Variants in UQCC1 observed in about 807,000 individuals in gnomAD.
UQCC1 encodes bFGF-repressed Zic-binding protein.
UQCC1 carries 38 observed loss-of-function variants against 48.0 expected under a neutral mutation model. That is an observed-to-expected ratio of 0.79 (90% confidence interval 0.61 to 1.04). The LOEUF (loss-of-function observed/expected upper bound fraction) is 1.04, where lower values mean the gene tolerates loss of function less well. Ranked by LOEUF, UQCC1 falls within the 50% of genes least tolerant of loss-of-function variation. UQCC1 has a pLI of 0.00. For synonymous variants in UQCC1, 111 were observed against 129.2 expected, an observed-to-expected ratio of 0.86 and a Z score of 0.95; for missense variants, 368 against 381.8, an observed-to-expected ratio of 0.96 and a Z score of 0.30.
At chr20:35,350,405 T>C (rs1779090038) in intron 6 of UQCC1, among the ~76,000 whole-genome samples, 1 of 152,096 alleles carries the variant, frequency 6.6e-6, no homozygotes, top group Non-Finnish European at 1.5e-5. Context: ...TGACAGAAGG[T>C]TGACAACATG....
intron 1 of UQCC1, among the ~76,000 whole-genome samples, chr20:35,410,716 A>AAAAAAAAAAAAAAAC (rs1370852913): frequency 5.5e-5 from 6 of 108,730 alleles, no homozygotes; most frequent in South Asian, 4.3e-4. Flanking sequence ...AAAAAAAAAA[A>AAAAAAAAAAAAAAAC]AAAAAAAACA....
chr20:35,304,071 T>C lies in UQCC1; in HGVS notation c.766-2A>G. On this transcript the variant is annotated splice_acceptor_variant, in intron 9 of 9. Transcript: ENST00000374385. LOFTEE classifies it high-confidence loss of function. Reference sequence around the variant, plus strand: ...GTTCATGGAGTCCAGGTACTGTATCTGCAACCAGGGGAGGGGGAAGGAGGA... The same window carrying C: ...GTTCATGGAGTCCAGGTACTGTATCCGCAACCAGGGGAGGGGGAAGGAGGA... The C allele has an allele frequency of 6.2e-7, 1 of 1,613,940 alleles. No individual in the cohort carries two copies. Among genetic ancestry groups the C allele is most frequent in the Non-Finnish European group, 8.5e-7 (1 of 1,179,892 alleles).
At chr20:35,410,437 C>CTACTTGGG (rs964640824) in intron 1 of UQCC1, among the ~76,000 whole-genome samples, 1 of 150,826 alleles carries the variant, frequency 6.6e-6, no homozygotes, top group African/African-American at 2.4e-5. Context: ...GAGGCTGAAG[C>CTACTTGGG]AGGAGAACTG....
chr20:35,371,799 C>A (rs563958896), intron 5 of UQCC1, among the ~76,000 whole-genome samples: 6 of 150,592 alleles, frequency 4.0e-5, no homozygotes, highest in African/African-American at 1.5e-4. Flanking sequence ...GGCCTAAGAC[C>A]AGGAGTTCAA....
chr20:35,368,046 G>A lies in UQCC1; in HGVS notation c.407-1432C>T, dbSNP rs117696681. 8.2e-3 allele frequency among the ~76,000 whole-genome samples: 1,245 copies of A among 152,284 alleles called. 9 individuals are homozygous for A. Among genetic ancestry groups the A allele is most frequent in the Non-Finnish European group, 0.012 (840 of 68,014 alleles). On this transcript the variant is annotated intron_variant, in intron 5 of 9. Transcript: ENST00000374385. ...TATTACATAACAGGGAGAAAAGCCAGAGCAAGAGGAAGATGCAAAAAGAGA... is the reference window on the plus strand; with the variant it reads ...TATTACATAACAGGGAGAAAAGCCAAAGCAAGAGGAAGATGCAAAAAGAGA...
At chr20:35,385,508 T>G (rs189264851) in intron 2 of UQCC1, among the ~76,000 whole-genome samples, 7 of 152,230 alleles carry the variant, frequency 4.6e-5, no homozygotes, top group East Asian at 3.9e-4. Context: ...TGTTGTTTTG[T>G]TTTTGTTTTT....
chr20:35,394,006 A>C (rs2062043881), intron 2 of UQCC1, 86 bp downstream of exon 2: 1 of 1,323,338 alleles, frequency 7.6e-7, no homozygotes, highest in South Asian at 1.2e-5. Context: ...TCCATCACAC[A>C]ATTTGGTTGG....
rs757351501 is a variant in UQCC1, at chr20:35,306,762, A to G, written c.669T>C (p.Asp223=). The G allele has an allele frequency of 1.2e-6, 2 of 1,614,034 alleles. No homozygotes were observed. Among genetic ancestry groups the G allele is most frequent in the South Asian group, 2.2e-5 (2 of 91,084 alleles). ...LGYDEGILSD[D]HGLAAALWRT... ...TCCAGAGGGCAGCGGCCAGCCCATG[A>G]TCATCTGAAAGGATCCCCTGGAACA... The change falls in exon 9 of 10, where the codon GAT becomes GAC. Residue 223 remains aspartate (D), a synonymous_variant. Coordinates refer to ENST00000374385, the MANE Select transcript of UQCC1 (RefSeq NM_018244.5).
intron 1 of UQCC1, among the ~76,000 whole-genome samples, chr20:35,407,256 CCTCT>C (rs939967404): frequency 6.6e-5 from 10 of 151,906 alleles, no homozygotes; most frequent in Non-Finnish European, 1.2e-4. Flanking sequence ...GGGAAAACCC[CCTCT>C]CTATTAAAAA....
chr20:35,392,454 G>A (rs1046758629), intron 2 of UQCC1, among the ~76,000 whole-genome samples: 3 of 152,124 alleles, frequency 2.0e-5, no homozygotes, highest in African/African-American at 7.2e-5. Flanking sequence ...TACTTATTAG[G>A]TGCTCAAGAA....
intron 5 of UQCC1, among the ~76,000 whole-genome samples, chr20:35,371,096 C>A (rs534322623): frequency 1.3e-5 from 2 of 152,250 alleles, no homozygotes; most frequent in Admixed American, 1.3e-4. Context: ...TATTTATAAA[C>A]TTTTCTTAAG....
intron 8 of UQCC1, among the ~76,000 whole-genome samples, chr20:35,313,621 T>C (rs2061019738): frequency 6.6e-6 from 1 of 152,090 alleles, no homozygotes; most frequent in African/African-American, 2.4e-5. Flanking sequence ...TCTTCTAATT[T>C]CATTTTTTTT....
chr20:35,329,249 G>C (rs891646404), intron 7 of UQCC1, among the ~76,000 whole-genome samples: 4 of 152,218 alleles, frequency 2.6e-5, no homozygotes, highest in Non-Finnish European at 5.9e-5. Flanking sequence ...GAGATGAAGA[G>C]AGTCAAGAGG....
intron 9 of UQCC1, chr20:35,306,326 C>T (rs773429422): frequency 1.7e-4 from 45 of 265,992 alleles, no homozygotes; most frequent in Non-Finnish European, 2.9e-4. Context: ...TACTACACCA[C>T]GTGCTCATAT....
At chr20:35,306,589 T>A (rs2060930759) in intron 9 of UQCC1, 77 bp downstream of exon 9, 2 of 1,127,800 alleles carry the variant, frequency 1.8e-6, no homozygotes, top group Non-Finnish European at 2.7e-6. Context: ...TAACTCCACC[T>A]CTCATGATCC....
At chr20:35,398,009 T>C (rs1169782608) in intron 1 of UQCC1, among the ~76,000 whole-genome samples, 1 of 152,230 alleles carries the variant, frequency 6.6e-6, no homozygotes, top group Non-Finnish European at 1.5e-5. Flanking sequence ...TGTAGGTATA[T>C]CATTATCCCA....
intron 2 of UQCC1, among the ~76,000 whole-genome samples, chr20:35,391,453 G>A (rs534432304): frequency 2.0e-4 from 31 of 151,940 alleles, no homozygotes; most frequent in Middle Eastern, 6.8e-3. Context: ...GTGAAACCCC[G>A]TCTCTACTAA....
intron 5 of UQCC1, among the ~76,000 whole-genome samples, chr20:35,371,958 G>A (rs2061737653): frequency 6.6e-6 from 1 of 151,912 alleles, no homozygotes. Flanking sequence ...AAAGGATGCA[G>A]TAAAAGGGCT....
intron 1 of UQCC1, among the ~76,000 whole-genome samples, chr20:35,403,366 A>G (rs2062197681): frequency 6.6e-6 from 1 of 152,152 alleles, no homozygotes; most frequent in Admixed American, 6.5e-5. Context: ...TATATTTCCT[A>G]CCCACGTCCT....
Sources: gnomAD v4.1 joint callset for allele counts (sites outside exome capture counted in the v4.1 genomes callset) on GRCh38, gnomAD v4.1.1 for gene constraint, MANE v1.5 for transcripts, NCBI Gene and HGNC (gene_info 2026-07-23, HGNC 2026-07-21) for gene names.